SAMD9: variants seen among roughly 807,000 people sequenced by gnomAD.
SAMD9 encodes the protein sterile alpha motif domain containing 9.
A neutral mutation model predicts 1.5 loss-of-function variants in SAMD9; 3 were observed. That is an observed-to-expected ratio of 2.05 (90% CI 0.93 to 5.29). SAMD9 has a LOEUF of 5.29. SAMD9 is among the 30% of genes most tolerant of loss of function. The probability of loss-of-function intolerance (pLI) is 0.02; values close to 1 mark genes in which losing one functional copy is unlikely to be tolerated. For synonymous variants in SAMD9, 635 were observed against 631.9 expected (o/e 1.00, Z -0.07); for missense variants, 1,597 against 1,820.8 (o/e 0.88, Z 2.24).
At chr7:93,109,214 T>TC (rs1359401802) in intron 2 of SAMD9, among the ~76,000 whole-genome samples, 2 of 151,960 alleles carry the variant, frequency 1.3e-5, no homozygotes, top group East Asian at 3.9e-4. Flanking sequence ...TCCAGCAAAC[T>TC]CCAACAGACC....
rs781315839 is a variant in SAMD9 at position 93,105,393 on chromosome 7, A to C, written c.705T>G (p.Ile235Met). ...ACMNSRTNGT[I>M]HFGVKDKPHG... Reference sequence around the variant, plus strand: ...GGGGTTTGTCTTTGACTCCAAAATGAATAGTGCCATTGGTACGTGAATTCA... The same window carrying C: ...GGGGTTTGTCTTTGACTCCAAAATGCATAGTGCCATTGGTACGTGAATTCA... Residue 235 changes from isoleucine (I) to methionine (M), a missense_variant, in exon 3 of 3, where the codon ATT (isoleucine) becomes ATG (methionine). By Grantham distance (10) the Ile-to-Met change is conservative. This residue lies in a region of SAMD9 where 498 missense variants were observed against 457.4 expected (regional missense o/e 1.09). Coordinates refer to ENST00000379958, the MANE Select transcript of SAMD9 (RefSeq NM_017654.4). 1 of 1,614,066 alleles carries C rather than the reference A, an allele frequency of 6.2e-7. No homozygotes were observed. The highest frequency in any genetic ancestry group is 1.1e-5 in the South Asian group (1 of 91,080).
At chr7:93,106,152 T>A (rs1791641584) in intron 2 of SAMD9, 47 bp from the exon 3 acceptor site, 6 of 1,336,022 alleles carry the variant, frequency 4.5e-6, no homozygotes, top group South Asian at 1.5e-5. Flanking sequence ...AAAAGTAAAA[T>A]TTTGAAACAA....
At position 93,101,286 on chromosome 7, in the gene SAMD9, T is replaced by G. The variant is rs1284317772; in HGVS notation, c.*42A>C. On this transcript the variant is annotated 3_prime_UTR_variant, in exon 3 of 3. Transcript: ENST00000379958. Reference sequence around the variant, plus strand: ...AGATCTTGAGTCCAAAAAAATTAAATGGGTACTGAGATCAAATTCTTGGAG... The same window carrying G: ...AGATCTTGAGTCCAAAAAAATTAAAGGGGTACTGAGATCAAATTCTTGGAG... The G allele has an allele frequency of 1.3e-6, 2 of 1,538,596 alleles. No individual in the cohort carries two copies. The highest frequency in any genetic ancestry group is 8.9e-7 in the Non-Finnish European group (1 of 1,119,386).
intron 2 of SAMD9, among the ~76,000 whole-genome samples, chr7:93,110,782 A>G (rs1261432025): frequency 6.6e-6 from 1 of 152,128 alleles, no homozygotes; most frequent in Non-Finnish European, 1.5e-5. Flanking sequence ...TGCACCCAAT[A>G]CAGGAGCACC....
Position 93,105,890 on chromosome 7 carries a change from G to A in SAMD9, c.208C>T (p.Leu70=). ...GCTGTTTTCCGCAATTCTTTGAATA[G>A]TTCTTCTATTTGAATAGCTGGTCCA... is the stretch of plus-strand genomic sequence containing the variant. The part of the protein sequence containing the change: ...THGPAIQIEE[L]FKELRKTAIE... The change falls in exon 3 of 3, where the codon CTA becomes TTA. Residue 70 remains leucine, a synonymous_variant. Transcript: ENST00000379958. 1 of 1,614,078 alleles carries A rather than the reference G, an allele frequency of 6.2e-7. No homozygotes were observed. Among genetic ancestry groups the A allele is most frequent in the Non-Finnish European group, 8.5e-7 (1 of 1,179,998 alleles).
At chr7:93,111,697 T>A (rs555923287) in intron 2 of SAMD9, among the ~76,000 whole-genome samples, 48 of 152,126 alleles carry the variant, frequency 3.2e-4, no homozygotes, top group Admixed American at 5.2e-4. Flanking sequence ...CAAATAAACT[T>A]GAAAATCTAG....
rs764062228 is a variant in SAMD9 at position 93,104,697 on chromosome 7, A to G, written c.1401T>C (p.Ser467=). Reference sequence around the variant, plus strand: ...GTGTGGTTTTCTGTTCTACATATACACTTGGAAAGTGAAGGTTTGCTACTC... The same window carrying G: ...GTGTGGTTTTCTGTTCTACATATACGCTTGGAAAGTGAAGGTTTGCTACTC... ...ESRVANLHFP[S]VYVEQKTTPN... The change falls in exon 3 of 3, where the codon AGT becomes AGC. Residue 467 remains serine, a synonymous_variant. Transcript: ENST00000379958. 1.2e-6 allele frequency: 2 copies of G among 1,613,866 alleles called. No homozygotes were observed. The highest frequency in any genetic ancestry group is 2.2e-5 in the South Asian group (2 of 91,082).
Position 93,102,106 on chromosome 7 carries a change from C to T in SAMD9, c.3992G>A (p.Arg1331Lys). Residue 1331 changes from arginine to lysine, a missense_variant, in exon 3 of 3, where the codon AGA becomes AAA. Coordinates refer to ENST00000379958, the MANE Select transcript of SAMD9 (RefSeq NM_017654.4). ...TAAAGCTACTAGGTTTCTCCTGCATCTCTCTACTTGAAGTGGCTCACTGAA... is the reference window on the plus strand; with the variant it reads ...TAAAGCTACTAGGTTTCTCCTGCATTTCTCTACTTGAAGTGGCTCACTGAA... ...SKFSEPLQVE[R>K]CRRNLVALKA... The T allele has an allele frequency of 2.5e-6, 4 of 1,613,396 alleles. No individual in the cohort carries two copies. Among genetic ancestry groups the T allele is most frequent in the Non-Finnish European group, 1.7e-6 (2 of 1,179,780 alleles).
In SAMD9 at chr7:93,103,567, C is replaced by T; in HGVS notation, c.2531G>A (p.Ser844Asn). Residue 844 changes from serine to asparagine, a missense_variant, in exon 3 of 3, where the codon AGT (serine) becomes AAT (asparagine). By Grantham distance (46) the Ser-to-Asn change is conservative. Around this residue, in one of 6 missense-constraint regions of SAMD9, gnomAD observed 55 missense variants for 58.6 expected, o/e 0.94. Coordinates refer to ENST00000379958, the MANE Select transcript of SAMD9 (RefSeq NM_017654.4). ...GGCAATACTGTCTGGGATCCTTGCA[C>T]TTTTTTCAGGATTTTGTGATCTCAT... ...NCMRSQNPEK[S>N]ARIPDSIAVI... 6.2e-7 allele frequency: 1 copy of T among 1,613,234 alleles called. No homozygotes were observed. Among genetic ancestry groups the T allele is most frequent in the South Asian group, 1.1e-5 (1 of 91,030 alleles).
rs375212899 is a variant in SAMD9, at chr7:93,105,914, C to G, written c.184G>C (p.Gly62Arg). The G allele has an allele frequency of 3.7e-6, 6 of 1,613,810 alleles. No homozygotes were observed. In the African/African-American group the frequency reaches 8.0e-5, roughly 22 times the overall value. ...EHLVDMGITH[G>R]PAIQIEELFK... ...AGTTCTTCTATTTGAATAGCTGGTCCATGTGTGATGCCCATATCAACAAGA... is the reference window on the plus strand; with the variant it reads ...AGTTCTTCTATTTGAATAGCTGGTCGATGTGTGATGCCCATATCAACAAGA... Residue 62 changes from glycine (G) to arginine (R), a missense_variant, in exon 3 of 3, where the codon GGA becomes CGA. Gly to Arg is a moderately radical substitution (Grantham distance 125). Around this residue, in one of 6 missense-constraint regions of SAMD9, gnomAD observed 498 missense variants for 457.4 expected, o/e 1.09. Transcript: ENST00000379958.
At position 93,108,237 on chromosome 7, in the gene SAMD9, G is replaced by T. The variant is rs531874341; in HGVS notation, c.-8-2132C>A. On this transcript the variant is annotated intron_variant, in intron 2 of 2. Coordinates refer to ENST00000379958, the MANE Select transcript of SAMD9 (RefSeq NM_017654.4). ...TGTCCGCAAAGTTTGTGATGTCCGG[G>T]GGACTGCATGTACCTTCAGCCGTCC... 2.6e-4 allele frequency among the ~76,000 whole-genome samples: 39 copies of T among 152,302 alleles called. 1 individual carries two copies. The South Asian group carries it at 3.7e-3, about 15-fold the overall frequency.
At chr7:93,110,820 C>A (rs1052985084) in intron 2 of SAMD9, among the ~76,000 whole-genome samples, 1 of 152,126 alleles carries the variant, frequency 6.6e-6, no homozygotes, top group Non-Finnish European at 1.5e-5. Context: ...TCCTTAGAGA[C>A]CTACAAAGAG....
chr7:93,110,465 C>T (rs543532965), intron 2 of SAMD9, among the ~76,000 whole-genome samples: 2 of 152,204 alleles, frequency 1.3e-5, no homozygotes, highest in African/African-American at 4.8e-5. Context: ...CAATATTAAC[C>T]TTAAATGTAA....
At position 93,101,354 on chromosome 7, in the gene SAMD9, G is replaced by T; in HGVS notation, c.4744C>A (p.Leu1582Ile). The T allele has an allele frequency of 6.2e-7, 1 of 1,612,820 alleles. No individual in the cohort carries two copies. The highest frequency in any genetic ancestry group is 1.1e-5 in the South Asian group (1 of 91,070). Residue 1582 changes from leucine to isoleucine, a missense_variant, in exon 3 of 3, where the codon CTT becomes ATT. Transcript: ENST00000379958. ...FYLGFSIGGPLAYDIEIV is the reference protein window; with the variant it reads ...FYLGFSIGGPIAYDIEIV ...TAAACAATTTCAATGTCATAAGCAAGTGGGCCTCCAATGGAAAATCCCAGG... is the reference window on the plus strand; with the variant it reads ...TAAACAATTTCAATGTCATAAGCAATTGGGCCTCCAATGGAAAATCCCAGG...
Position 93,103,749 on chromosome 7 carries a change from A to G in SAMD9, c.2349T>C (p.Tyr783=). 4 of 1,613,962 alleles carry G rather than the reference A, an allele frequency of 2.5e-6. No homozygotes were observed. Among genetic ancestry groups the G allele is most frequent in the Non-Finnish European group, 3.4e-6 (4 of 1,179,860 alleles). Reference sequence around the variant, plus strand: ...CGTATTCCTGACGGTTCATTGCCCCATAGGTGATTAAACTGGTTACCTGTT... The same window carrying G: ...CGTATTCCTGACGGTTCATTGCCCCGTAGGTGATTAAACTGGTTACCTGTT... ...IGEQVTSLIT[Y]GAMNRQEYVP... is the part of the protein sequence containing the mutation. Residue 783 remains tyrosine, a synonymous_variant, in exon 3 of 3, where the codon TAT becomes TAC. Coordinates refer to ENST00000379958, the MANE Select transcript of SAMD9 (RefSeq NM_017654.4).
rs200929214 is a variant in SAMD9, at chr7:93,104,570, G to A, written c.1528C>T (p.Pro510Ser). ...GCTCTTTCTCTTTGCCAGGAACTTG[G>A]ATCAAAGGGTTTATATTTTTCACTG... is the stretch of plus-strand genomic sequence containing the variant. ...LDSEKYKPFDPSSWQRERASD... is the reference protein window; with the variant it reads ...LDSEKYKPFDSSSWQRERASD... The change falls in exon 3 of 3, where the codon CCA becomes TCA. Residue 510 changes from proline (P) to serine (S), a missense_variant. Physicochemically the swap from Pro to Ser is moderately conservative, Grantham distance 74. Transcript: ENST00000379958. 1.9e-5 allele frequency: 30 copies of A among 1,613,874 alleles called. No homozygotes were observed. The highest frequency in any genetic ancestry group is 4.4e-5 in the South Asian group (4 of 91,084).
At position 93,102,284 on chromosome 7, in the gene SAMD9, CA is replaced by C. The variant is rs748414027; in HGVS notation, c.3813del (p.Phe1271LeufsTer8). 7 of 1,611,738 alleles carry C rather than the reference CA, an allele frequency of 4.3e-6. No individual in the cohort carries two copies. The Admixed American group carries it at 1.2e-4, about 27-fold the overall frequency. On this transcript the variant is annotated frameshift_variant, in exon 3 of 3. Transcript: ENST00000379958. LOFTEE classifies it low-confidence loss of function (END_TRUNC). ...KFSLKKSFDF[F>X]DEYFVLLKPR... The stretch of plus-strand genomic sequence containing the variant: ...GGTTTTAGCAGGACAAAGTATTCAT[CA>C]AAAAAATCAAAGGACTTTTTCAAAG...
At chr7:93,110,065 C>T (rs9801688) in intron 2 of SAMD9, among the ~76,000 whole-genome samples, 31,417 of 152,040 alleles carry the variant, frequency 0.21, 4,311 homozygotes, top group African/African-American at 0.36. Flanking sequence ...AAGAAAGGTC[C>T]GGTTACCCAC....
chr7:93,105,853 G>A lies in SAMD9; in HGVS notation c.245C>T (p.Ser82Leu), dbSNP rs755238026. Residue 82 changes from serine to leucine, a missense_variant, in exon 3 of 3, where the codon TCG becomes TTG. By Grantham distance (145) the Ser-to-Leu change is moderately radical (BLOSUM62 -2). Coordinates refer to ENST00000379958, the MANE Select transcript of SAMD9 (RefSeq NM_017654.4). ...CTTTCCCATCTTAGATGTCTGAATCGAATCTTCAATGGCTGTTTTCCGCAA... is the reference window on the plus strand; with the variant it reads ...CTTTCCCATCTTAGATGTCTGAATCAAATCTTCAATGGCTGTTTTCCGCAA... Reference protein sequence around the residue: ...KELRKTAIEDSIQTSKMGKPS... With the variant: ...KELRKTAIEDLIQTSKMGKPS... 8.7e-6 allele frequency: 14 copies of A among 1,613,926 alleles called. No homozygotes were observed. The highest frequency in any genetic ancestry group is 6.7e-5 in the Admixed American group (4 of 59,996).
Sources: allele counts gnomAD v4.1 joint callset (sites outside exome capture counted in the v4.1 genomes callset), GRCh38; gene constraint gnomAD v4.1.1; regional missense constraint gnomAD v4.1.1; transcripts MANE v1.5; gene names NCBI Gene and HGNC (gene_info 2026-07-23, HGNC 2026-07-21).